RBFOX1: variants seen among roughly 807,000 people sequenced by gnomAD.
RBFOX1 encodes RNA binding fox-1 homolog 1.
RBFOX1 carries 8 observed loss-of-function variants against 57.7 expected under a neutral mutation model. The ratio of observed to expected loss-of-function variants is 0.14; its 90% CI spans 0.08 to 0.25. The LOEUF (loss-of-function observed/expected upper bound fraction) is 0.25. Among genes scored for constraint, RBFOX1 ranks in the 10% least tolerant of loss-of-function variants. RBFOX1 has a pLI of 1.00. For missense variants in RBFOX1, 611 were observed against 548.5 expected, an observed-to-expected ratio of 1.11 and a Z score of -1.14; for synonymous variants, 326 against 222.4, an observed-to-expected ratio of 1.47 and a Z score of -4.15.
chr16:7,309,388 A>C (rs1442147937), intron 4 of RBFOX1, among the ~76,000 whole-genome samples: 2 of 152,190 alleles, frequency 1.3e-5, no homozygotes, highest in Non-Finnish European at 2.9e-5. Flanking sequence ...ACTTAATCCA[A>C]CAATCACTTC....
At chr16:6,105,689 T>G (rs34013630) in intron 1 of RBFOX1, among the ~76,000 whole-genome samples, 2 of 141,144 alleles carry the variant, frequency 1.4e-5, no homozygotes, top group African/African-American at 6.1e-5. Flanking sequence ...AAAAAAAATA[T>G]ATATATATAT....
chr16:5,409,214 G>T (rs897655776), intron 1 of RBFOX1, among the ~76,000 whole-genome samples: 2 of 152,200 alleles, frequency 1.3e-5, no homozygotes, highest in Admixed American at 6.5e-5. Context: ...GGCCACAGAC[G>T]ATCAGAAGGC....
chr16:5,632,014 G>A (rs2048526070), intron 3 of RBFOX1, among the ~76,000 whole-genome samples: 1 of 152,156 alleles, frequency 6.6e-6, no homozygotes, highest in Non-Finnish European at 1.5e-5. Flanking sequence ...GATCTCACAG[G>A]AGGATTGGAT....
intron 3 of RBFOX1, among the ~76,000 whole-genome samples, chr16:6,794,993 T>C (rs1045627586): frequency 3.3e-5 from 5 of 152,170 alleles, no homozygotes; most frequent in African/African-American, 1.2e-4. Context: ...AGGGCTAAAA[T>C]TCACATCTCC....
intron 2 of RBFOX1, among the ~76,000 whole-genome samples, chr16:6,522,549 G>T (rs1359163686): frequency 6.6e-6 from 1 of 152,176 alleles, no homozygotes; most frequent in Admixed American, 6.5e-5. Context: ...GGATGAAGCT[G>T]TTTCTATTAA....
intron 3 of RBFOX1, among the ~76,000 whole-genome samples, chr16:5,839,641 A>T (rs939422366): frequency 2.6e-5 from 4 of 152,196 alleles, no homozygotes; most frequent in African/African-American, 9.7e-5. Flanking sequence ...GACTAGTTCA[A>T]CAGCATCAGG....
At chr16:6,043,580 T>G (rs1165242289) in intron 1 of RBFOX1, among the ~76,000 whole-genome samples, 1 of 151,076 alleles carries the variant, frequency 6.6e-6, no homozygotes, top group Non-Finnish European at 1.5e-5. Flanking sequence ...CATAAGGAGG[T>G]GTGTCTGACC....
intron 4 of RBFOX1, chr16:7,332,786 G>A (rs993231296): frequency 1.4e-6 from 2 of 1,393,368 alleles, no homozygotes; most frequent in Admixed American, 2.9e-5. Context: ...TGCAGCTGCT[G>A]TGTCTCTTCG....
chr16:7,506,809 C>T (rs1012546834), intron 4 of RBFOX1, among the ~76,000 whole-genome samples: 2 of 146,118 alleles, frequency 1.4e-5, no homozygotes. Context: ...ATGTGATCTG[C>T]CAAAGGTACC....
At chr16:7,451,205 C>T (rs77453073) in intron 4 of RBFOX1, among the ~76,000 whole-genome samples, 1,539 of 152,204 alleles carry the variant, frequency 0.01, 34 homozygotes, top group African/African-American at 0.036. Flanking sequence ...TCTATGGAGG[C>T]TTTTTGGATG....
At chr16:7,637,422 T>C (rs1387978709) in intron 11 of RBFOX1, among the ~76,000 whole-genome samples, 1 of 152,218 alleles carries the variant, frequency 6.6e-6, no homozygotes, top group Non-Finnish European at 1.5e-5. Flanking sequence ...ATATATTGAT[T>C]GCAGATTTTA....
chr16:5,490,702 G>C (rs8059274), intron 2 of RBFOX1, among the ~76,000 whole-genome samples: 127,834 of 152,184 alleles, frequency 0.84, 54,038 homozygotes, highest in African/African-American at 0.94. Flanking sequence ...GCCTGGCCAG[G>C]CGGATTCCCG....
chr16:6,942,274 C>A (rs554635522), intron 3 of RBFOX1, among the ~76,000 whole-genome samples: 1 of 152,056 alleles, frequency 6.6e-6, no homozygotes, highest in Non-Finnish European at 1.5e-5. Context: ...AGTGAGACTC[C>A]ATCTCACAAA....
intron 3 of RBFOX1, among the ~76,000 whole-genome samples, chr16:6,670,557 A>C (rs974002125): frequency 6.6e-6 from 1 of 152,224 alleles, no homozygotes; most frequent in East Asian, 1.9e-4. Flanking sequence ...AGTAGACTTA[A>C]ACACCCGGTA....
At chr16:7,563,221 C>G (rs1435106801) in intron 5 of RBFOX1, among the ~76,000 whole-genome samples, 1 of 152,164 alleles carries the variant, frequency 6.6e-6, no homozygotes, top group Non-Finnish European at 1.5e-5. Flanking sequence ...ATCAGCCACT[C>G]TTCTCGATGC....
intron 1 of RBFOX1, among the ~76,000 whole-genome samples, chr16:5,370,536 AG>A (rs1219557859): frequency 2.0e-5 from 3 of 150,518 alleles, no homozygotes; most frequent in Admixed American, 1.3e-4. Context: ...TTTGTCACCC[AG>A]GATGGAATGC....
rs75729103 is a variant in RBFOX1, at chr16:7,151,012, C to T, written c.27+98914C>T. On this transcript the variant is annotated intron_variant, in intron 4 of 15. Coordinates refer to ENST00000550418, the MANE Select transcript of RBFOX1 (RefSeq NM_018723.4). ...GGCAGACACTTTCTGAAAGCAGATA[C>T]GCTCCTTTCCAAAATTATTTTTGTG... 7.6e-3 allele frequency among the ~76,000 whole-genome samples: 1,153 copies of T among 152,272 alleles called. 17 individuals carry two copies. The highest frequency in any genetic ancestry group is 0.026 in the African/African-American group (1,086 of 41,562).
At chr16:6,676,140 GCGCACACACACA>G (rs1368233805) in intron 3 of RBFOX1, among the ~76,000 whole-genome samples, 10 of 27,868 alleles carry the variant, frequency 3.6e-4, no homozygotes, top group African/African-American at 6.2e-4. Flanking sequence ...ACACACACAC[GCGCACACACACA>G]CACACACACA....
intron 4 of RBFOX1, among the ~76,000 whole-genome samples, chr16:7,192,609 C>CA (rs1226545778): frequency 6.6e-6 from 1 of 152,020 alleles, no homozygotes; most frequent in East Asian, 1.9e-4. Context: ...AAAAGGGGGC[C>CA]AAATGGAAAA....
Sources: gnomAD v4.1 joint callset for allele counts (sites outside exome capture counted in the v4.1 genomes callset) on GRCh38, gnomAD v4.1.1 for gene constraint, MANE v1.5 for transcripts, NCBI Gene and HGNC (gene_info 2026-07-23, HGNC 2026-07-21) for gene names.